The following ANK1 variants were observed in gnomAD, a reference collection of about 807,000 sequenced individuals.
ANK1 encodes ankyrin-1.
ANK1 carries 51 observed loss-of-function variants against 210.4 expected under a neutral mutation model. That is an observed-to-expected ratio of 0.24 (90% CI 0.19 to 0.31). The LOEUF (loss-of-function observed/expected upper bound fraction) is 0.31. Among genes scored for constraint, ANK1 ranks in the 10% least tolerant of loss-of-function variants. ANK1 has a pLI of 1.00. For synonymous variants in ANK1, 967 were observed against 1,025.9 expected (o/e 0.94, Z 1.10); for missense variants, 2,051 against 2,504.4 (o/e 0.82, Z 3.86).
In ANK1 at chr8:41,688,727, T is replaced by C. The variant is rs1389569869; in HGVS notation, c.4105-138A>G. 4 of 777,208 alleles carry C rather than the reference T, an allele frequency of 5.1e-6. No homozygotes were observed. The Admixed American group carries it at 6.0e-5, about 12-fold the overall frequency. The allele number at this position is 777,208 out of a possible 1,614,324, so 48.1% of individuals were successfully genotyped here. A position where few individuals can be genotyped will look rare whatever the true frequency, so the allele number is the denominator to read the frequency against. On this transcript the variant is annotated intron_variant, in intron 33 of 42. Coordinates refer to ENST00000289734, the MANE Select transcript of ANK1 (RefSeq NM_000037.4). ...ACAATCAGTCCGTTTCTTCAGGGAC[T>C]TAACACAAAGAGTAACACATGGGAG...
upstream of ANK1, among the ~76,000 whole-genome samples, chr8:41,799,422 C>T (rs945059420): frequency 6.6e-6 from 1 of 152,068 alleles, no homozygotes; most frequent in African/African-American, 2.4e-5. Flanking sequence ...GGAACGAACC[C>T]GTGGTTGTCA....
At chr8:41,800,033 A>G (rs1449125682), upstream of ANK1, among the ~76,000 whole-genome samples, 2 of 152,154 alleles carry the variant, frequency 1.3e-5, no homozygotes, top group East Asian at 1.9e-4. Context: ...GTTATCTGCC[A>G]TAGAATACCT....
At chr8:41,796,661 C>T (rs1848784991) in intron 1 of ANK1, among the ~76,000 whole-genome samples, 1 of 150,706 alleles carries the variant, frequency 6.6e-6, no homozygotes, top group African/African-American at 2.4e-5. Context: ...AAGCAGAAGA[C>T]GAAATGCCCT....
intron 39 of ANK1, chr8:41,664,804 C>T (rs1309141131): frequency 1.2e-6 from 2 of 1,603,694 alleles, no homozygotes; most frequent in Non-Finnish European, 1.7e-6. Flanking sequence ...CAGGCGGTTA[C>T]CTTCAGGAAG....
chr8:41,894,499 T>C (rs564287630), intron 1 of ANK1, among the ~76,000 whole-genome samples: 1 of 152,212 alleles, frequency 6.6e-6, no homozygotes. Context: ...ATATTTGGAA[T>C]TCAGAGTTAT....
intron 1 of ANK1, among the ~76,000 whole-genome samples, chr8:41,789,805 C>G (rs1847246134): frequency 6.6e-6 from 1 of 152,150 alleles, no homozygotes; most frequent in Non-Finnish European, 1.5e-5. Context: ...CACCTACATC[C>G]CAAGATAGTT....
Position 41,797,579 on chromosome 8 carries a change from C to G in ANK1, c.-41G>C, listed in dbSNP as rs762630153. 2 of 1,611,820 alleles carry G rather than the reference C, an allele frequency of 1.2e-6. No individual in the cohort carries two copies. The highest frequency in any genetic ancestry group is 1.7e-5 in the Admixed American group (1 of 59,924). On this transcript the variant is annotated 5_prime_UTR_variant, in exon 1 of 43. Coordinates refer to ENST00000289734, the MANE Select transcript of ANK1 (RefSeq NM_000037.4). The surrounding 1 kb of genome is among the most constrained non-coding windows in gnomAD (Gnocchi z 4.0). Reference sequence around the variant, plus strand: ...GGGGCCCGCCGAAGGGCCTTGGGGGCTTGAGGAGGAGCAGCTGGGGCTGGC... The same window carrying G: ...GGGGCCCGCCGAAGGGCCTTGGGGGGTTGAGGAGGAGCAGCTGGGGCTGGC...
chr8:41,879,063 CAAAAATA>C (rs1396341409), intron 1 of ANK1, among the ~76,000 whole-genome samples: 2 of 151,090 alleles, frequency 1.3e-5, no homozygotes, highest in Non-Finnish European at 2.9e-5. Flanking sequence ...GACTCAGCCT[CAAAAATA>C]AAAAATAAAA....
At position 41,715,709 on chromosome 8, in the gene ANK1, A is replaced by T; in HGVS notation, c.1545T>A (p.His515Gln). 6.2e-7 allele frequency: 1 copy of T among 1,614,016 alleles called. No individual in the cohort carries two copies. Among genetic ancestry groups the T allele is most frequent in the South Asian group, 1.1e-5 (1 of 91,070 alleles). The change falls in exon 14 of 43, where the codon CAT (histidine) becomes CAA (glutamine). Residue 515 changes from histidine (H) to glutamine (Q), a missense_variant. Physicochemically the swap from His to Gln is conservative, Grantham distance 24. This residue lies in a region of ANK1 where 1,413 missense variants were observed against 1,707.4 expected (regional missense o/e 0.83). Coordinates refer to ENST00000289734, the MANE Select transcript of ANK1 (RefSeq NM_000037.4). ...CCAGAAGGGCCAGGACTGTTTCCACATGGCCCTCACGGGCTGCAATGTGCA... is the reference window on the plus strand; with the variant it reads ...CCAGAAGGGCCAGGACTGTTTCCACTTGGCCCTCACGGGCTGCAATGTGCA... Reference protein sequence around the residue: ...TPLHIAAREGHVETVLALLEK... With the variant: ...TPLHIAAREGQVETVLALLEK...
chr8:41,726,032 A>T, intron 5 of ANK1, 86 bp from the exon 6 acceptor site: 1 of 1,481,050 alleles, frequency 6.8e-7, no homozygotes, highest in Non-Finnish European at 9.2e-7. Flanking sequence ...CCTCGGGCTT[A>T]TGCTCCCAGC....
chr8:41,765,533 C>T (rs115257389), intron 1 of ANK1, among the ~76,000 whole-genome samples: 1,658 of 152,266 alleles, frequency 0.011, 38 homozygotes, highest in African/African-American at 0.038. Context: ...AAGCATGCGC[C>T]ACTGTGCTGG....
upstream of ANK1, chr8:41,797,688 G>T: frequency 3.2e-6 from 4 of 1,251,030 alleles, no homozygotes; most frequent in East Asian, 6.1e-5. The surrounding 1 kb of genome is among the most constrained non-coding windows in gnomAD (Gnocchi z 4.0). Flanking sequence ...GCTTGCTGTC[G>T]GGCCGGGCGC....
At chr8:41,748,436 C>A (rs761896286) in intron 2 of ANK1, among the ~76,000 whole-genome samples, 2 of 152,212 alleles carry the variant, frequency 1.3e-5, no homozygotes, top group Non-Finnish European at 2.9e-5. Context: ...AGATCTAGCT[C>A]TAACCTCCTT....
intron 2 of ANK1, among the ~76,000 whole-genome samples, chr8:41,748,091 G>C (rs561583886): frequency 5.9e-5 from 9 of 152,160 alleles, no homozygotes; most frequent in Admixed American, 2.6e-4. Flanking sequence ...TCAGGGTGAC[G>C]TCAGCATTAA....
intron 1 of ANK1, among the ~76,000 whole-genome samples, chr8:41,822,085 AGAGAGAGAGAG>A (rs1563844440): frequency 3.6e-4 from 14 of 39,274 alleles, no homozygotes; most frequent in African/African-American, 3.0e-3. Context: ...AGAGAGAGAG[AGAGAGAGAGAG>A]AGAGAGAGAG....
chr8:41,743,015 G>A (rs1383513795), intron 2 of ANK1, among the ~76,000 whole-genome samples: 2 of 152,174 alleles, frequency 1.3e-5, no homozygotes, highest in African/African-American at 2.4e-5. Context: ...TGCTATACTC[G>A]ATGTCACAGA....
At chr8:41,758,564 A>G (rs1839744810) in intron 1 of ANK1, among the ~76,000 whole-genome samples, 1 of 151,790 alleles carries the variant, frequency 6.6e-6, no homozygotes. Context: ...CTGGTCTCAA[A>G]CTCCTGAGCT....
At position 41,719,863 on chromosome 8, in the gene ANK1, G is replaced by A; in HGVS notation, c.910-5C>T. The A allele has an allele frequency of 6.2e-7, 1 of 1,614,192 alleles. No individual in the cohort carries two copies. Among genetic ancestry groups the A allele is most frequent in the East Asian group, 2.2e-5 (1 of 44,886 alleles). On this transcript the variant is annotated splice_region_variant and splice_polypyrimidine_tract_variant and intron_variant, in intron 9 of 42. Coordinates refer to ENST00000289734, the MANE Select transcript of ANK1 (RefSeq NM_000037.4). The stretch of plus-strand genomic sequence containing the variant: ...GTGAATTGGGGACAGGCCGTTCTGG[G>A]TAAAGAGGAAAACACAAGCAATCAC...
At chr8:41,787,932 C>A (rs1372943237) in intron 1 of ANK1, among the ~76,000 whole-genome samples, 1 of 152,092 alleles carries the variant, frequency 6.6e-6, no homozygotes, top group Non-Finnish European at 1.5e-5. Context: ...AATACACCAC[C>A]CTGCCCCCCA....
Sources: gnomAD v4.1 joint callset for allele counts (sites outside exome capture counted in the v4.1 genomes callset) on GRCh38, gnomAD v4.1.1 for gene constraint, gnomAD v4.1.1 regional missense constraint, Gnocchi (gnomAD v3.1) non-coding constraint, MANE v1.5 for transcripts, NCBI Gene and HGNC (gene_info 2026-07-23, HGNC 2026-07-21) for gene names.